Variants in HS3ST4 observed in about 807,000 individuals in gnomAD.
HS3ST4 encodes heparan sulfate glucosamine 3-O-sulfotransferase 4.
HS3ST4 carries 17 observed loss-of-function variants against 29.2 expected under a neutral mutation model. The observed-to-expected ratio is 0.58, with a 90% CI of 0.40 to 0.87. The LOEUF is 0.87. Among genes scored for constraint, HS3ST4 ranks in the 40% least tolerant of loss-of-function variants. The pLI is 0.00. For synonymous variants in HS3ST4, 314 were observed against 285.7 expected, an observed-to-expected ratio of 1.10 and a Z score of -1.00; for missense variants, 627 against 634.5, an observed-to-expected ratio of 0.99 and a Z score of 0.13.
At chr16:25,956,134 G>C (rs1968729865) in intron 1 of HS3ST4, among the ~76,000 whole-genome samples, 1 of 152,042 alleles carries the variant, frequency 6.6e-6, no homozygotes, top group Non-Finnish European at 1.5e-5. Context: ...CTTTTTAAAG[G>C]TATGTAGAGA....
At chr16:25,925,550 AGAAACC>A (rs1968393808) in intron 1 of HS3ST4, among the ~76,000 whole-genome samples, 1 of 152,216 alleles carries the variant, frequency 6.6e-6, no homozygotes, top group African/African-American at 2.4e-5. Context: ...GATTAAGCAG[AGAAACC>A]TCTTGTGTCG....
At chr16:25,851,169 G>C (rs1388551563) in intron 1 of HS3ST4, among the ~76,000 whole-genome samples, 1 of 152,170 alleles carries the variant, frequency 6.6e-6, no homozygotes, top group Non-Finnish European at 1.5e-5. Context: ...TCCTGTACTA[G>C]CACTGGGATT....
intron 1 of HS3ST4, among the ~76,000 whole-genome samples, chr16:26,047,055 G>C (rs1465287705): frequency 6.6e-6 from 1 of 152,162 alleles, no homozygotes; most frequent in African/African-American, 2.4e-5. Flanking sequence ...ACCTGTTTCT[G>C]TGCTTTCCTG....
intron 1 of HS3ST4, among the ~76,000 whole-genome samples, chr16:25,737,609 G>C (rs972300793): frequency 6.6e-6 from 1 of 152,082 alleles, no homozygotes; most frequent in Non-Finnish European, 1.5e-5. Context: ...GAGTGGGAGG[G>C]GGGTGAGATA....
At chr16:25,866,683 A>G (rs1465446236) in intron 1 of HS3ST4, among the ~76,000 whole-genome samples, 1 of 152,172 alleles carries the variant, frequency 6.6e-6, no homozygotes, top group Non-Finnish European at 1.5e-5. Flanking sequence ...GAGAGAGAGC[A>G]TTAAGAAAAA....
chr16:25,831,329 A>G (rs1967295537), intron 1 of HS3ST4, among the ~76,000 whole-genome samples: 1 of 151,324 alleles, frequency 6.6e-6, no homozygotes, highest in African/African-American at 2.4e-5. Flanking sequence ...TTGGCAGGCC[A>G]AGTTGGGAGG....
intron 1 of HS3ST4, among the ~76,000 whole-genome samples, chr16:25,729,707 A>T (rs1364131605): frequency 1.3e-5 from 2 of 152,152 alleles, no homozygotes; most frequent in African/African-American, 4.8e-5. Flanking sequence ...CAAAAATTTT[A>T]TTGCTTTGGG....
At chr16:26,093,635 A>AT (rs1446755093) in intron 1 of HS3ST4, among the ~76,000 whole-genome samples, 1 of 152,228 alleles carries the variant, frequency 6.6e-6, no homozygotes, top group East Asian at 1.9e-4. Context: ...CCAAAGGTAG[A>AT]TAAAACCACA....
At chr16:25,825,595 C>T (rs1432874339) in intron 1 of HS3ST4, 1 of 152,196 alleles carries the variant, frequency 6.6e-6, no homozygotes, top group African/African-American at 2.4e-5. Context: ...CATTGGTATT[C>T]ATAATATTCC....
chr16:25,850,639 C>T (rs1967510500), intron 1 of HS3ST4, among the ~76,000 whole-genome samples: 1 of 152,184 alleles, frequency 6.6e-6, no homozygotes, highest in Non-Finnish European at 1.5e-5. Context: ...CTCCCCAAAA[C>T]AATTGCTGCA....
chr16:25,888,780 T>A (rs1397921838), intron 1 of HS3ST4, among the ~76,000 whole-genome samples: 14 of 152,124 alleles, frequency 9.2e-5, no homozygotes, highest in Admixed American at 8.5e-4. Context: ...CAAGAGGTAT[T>A]CACAACAACA....
At chr16:26,015,788 C>T (rs1969357372) in intron 1 of HS3ST4, among the ~76,000 whole-genome samples, 1 of 152,140 alleles carries the variant, frequency 6.6e-6, no homozygotes, top group South Asian at 2.1e-4. Context: ...AGTTAGGCCT[C>T]CTTTCTTTAG....
At chr16:25,823,246 G>T (rs986282231) in intron 1 of HS3ST4, among the ~76,000 whole-genome samples, 1 of 152,150 alleles carries the variant, frequency 6.6e-6, no homozygotes, top group Admixed American at 6.5e-5. Flanking sequence ...GCTCTTACAC[G>T]TTGTGTTTTC....
At position 26,004,296 on chromosome 16, in the gene HS3ST4, T is replaced by C. The variant is rs187180983; in HGVS notation, c.735-131316T>C. Among the ~76,000 whole-genome samples, 5 of 152,282 alleles carry C rather than the reference T, an allele frequency of 3.3e-5. No individual in the cohort carries two copies. The East Asian group carries it at 9.6e-4, about 29-fold the overall frequency. ...TTCTCTCTCTGAGCAACAGGTACACTTTTTTTCTCTAACATTGATCTATAA... is the reference window on the plus strand; with the variant it reads ...TTCTCTCTCTGAGCAACAGGTACACCTTTTTTCTCTAACATTGATCTATAA... On this transcript the variant is annotated intron_variant, in intron 1 of 1. Coordinates refer to ENST00000331351, the MANE Select transcript of HS3ST4 (RefSeq NM_006040.3).
chr16:26,056,817 A>G lies in HS3ST4; in HGVS notation c.735-78795A>G, dbSNP rs1004243082. On this transcript the variant is annotated intron_variant, in intron 1 of 1. Transcript: ENST00000331351. Reference sequence around the variant, plus strand: ...CAGATCAGCATACACTCAGCTCAGCATTCTCTGTTATGTAAATATCCTAGC... The same window carrying G: ...CAGATCAGCATACACTCAGCTCAGCGTTCTCTGTTATGTAAATATCCTAGC... Among the ~76,000 whole-genome samples, 3 of 152,362 alleles carry G rather than the reference A, an allele frequency of 2.0e-5. No homozygotes were observed. The Middle Eastern group carries it at 0.01, about 518-fold the overall frequency.
intron 1 of HS3ST4, among the ~76,000 whole-genome samples, chr16:25,738,913 A>G (rs1429999104): frequency 1.3e-5 from 2 of 152,186 alleles, no homozygotes; most frequent in Admixed American, 6.5e-5. Context: ...TGACTTGGCT[A>G]TTCAGGGTCT....
At chr16:25,696,728 A>G (rs528838155) in intron 1 of HS3ST4, among the ~76,000 whole-genome samples, 8 of 152,284 alleles carry the variant, frequency 5.3e-5, no homozygotes, top group African/African-American at 1.7e-4. Flanking sequence ...ATGCTCTACA[A>G]AGTCACGCTT....
chr16:25,710,039 GA>G (rs1311040502), intron 1 of HS3ST4, among the ~76,000 whole-genome samples: 1 of 152,082 alleles, frequency 6.6e-6, no homozygotes, highest in African/African-American at 2.4e-5. Flanking sequence ...AGATAGCCTA[GA>G]ATTTCTAGAA....
intron 1 of HS3ST4, among the ~76,000 whole-genome samples, chr16:25,876,920 GT>G (rs1331763360): frequency 6.6e-6 from 1 of 151,902 alleles, no homozygotes; most frequent in Non-Finnish European, 1.5e-5. Context: ...TCCTTTACAG[GT>G]TTTTCTCCCC....
Sources: allele counts gnomAD v4.1 joint callset (sites outside exome capture counted in the v4.1 genomes callset), GRCh38; gene constraint gnomAD v4.1.1; transcripts MANE v1.5; gene names NCBI Gene and HGNC (gene_info 2026-07-23, HGNC 2026-07-21).